Variants in KCTD19 observed in about 807,000 individuals in gnomAD.
KCTD19 encodes BTB/POZ domain-containing protein KCTD19.
A neutral mutation model predicts 103.5 loss-of-function variants in KCTD19; 67 were observed. That is an observed-to-expected ratio of 0.65 (90% CI 0.53 to 0.79). The LOEUF is 0.79. Ranked by LOEUF, KCTD19 falls within the 30% of genes least tolerant of loss-of-function variation. KCTD19 has a pLI of 0.00. For missense variants in KCTD19, 980 were observed against 1,136.1 expected (o/e 0.86, Z 1.98); for synonymous variants, 439 against 452.2 (o/e 0.97, Z 0.37).
At chr16:67,304,694 C>T (rs563515584) in intron 2 of KCTD19, 123 bp from the exon 3 acceptor site, 11 of 804,444 alleles carry the variant, frequency 1.4e-5, no homozygotes, top group East Asian at 5.2e-5. Context: ...GACAGAGTCT[C>T]GTTTTGTTGC....
At chr16:67,322,528 G>C (rs1463848481) in intron 1 of KCTD19, among the ~76,000 whole-genome samples, 1 of 152,136 alleles carries the variant, frequency 6.6e-6, no homozygotes, top group Non-Finnish European at 1.5e-5. Context: ...TCGATCTCCT[G>C]ACCTCGTGAT....
chr16:67,312,910 G>T lies in KCTD19; in HGVS notation c.300+7679C>A, dbSNP rs73592862. Among the ~76,000 whole-genome samples, 1,024 of 152,256 alleles carry T rather than the reference G, an allele frequency of 6.7e-3. 18 individuals are homozygous for T. Among genetic ancestry groups the T allele is most frequent in the African/African-American group, 0.024 (999 of 41,540 alleles). ...CTACTTCCTCCCTTGCTCTGCTGCAGTCTAGGCCAGGGGTCAGCAAGTTTT... is the reference window on the plus strand; with the variant it reads ...CTACTTCCTCCCTTGCTCTGCTGCATTCTAGGCCAGGGGTCAGCAAGTTTT... On this transcript the variant is annotated intron_variant, in intron 2 of 15. Coordinates refer to ENST00000304372, the MANE Select transcript of KCTD19 (RefSeq NM_001100915.3).
intron 6 of KCTD19, among the ~76,000 whole-genome samples, 181 bp from the exon 7 acceptor site, chr16:67,297,844 G>T (rs2036784167): frequency 6.6e-6 from 1 of 152,016 alleles, no homozygotes; most frequent in South Asian, 2.1e-4. Context: ...AGGCTGAAGT[G>T]CAGTGACGCA....
At chr16:67,317,313 C>A (rs2037023411) in intron 2 of KCTD19, among the ~76,000 whole-genome samples, 1 of 151,734 alleles carries the variant, frequency 6.6e-6, no homozygotes, top group East Asian at 1.9e-4. Flanking sequence ...ACCCCATCTC[C>A]ACTAAAAATA....
chr16:67,299,270 C>T, intron 6 of KCTD19, 93 bp downstream of exon 6: 3 of 1,187,440 alleles, frequency 2.5e-6, no homozygotes, highest in South Asian at 1.3e-5. Flanking sequence ...ACACACTTCA[C>T]CTCTGGCTAG....
intron 13 of KCTD19, 21 bp from the exon 14 acceptor site, chr16:67,291,484 A>G: frequency 6.2e-7 from 1 of 1,610,622 alleles, no homozygotes; most frequent in African/African-American, 1.3e-5. Flanking sequence ...GGGAAAGTGG[A>G]TGTGGCCACA....
At chr16:67,314,663 C>T (rs905200873) in intron 2 of KCTD19, among the ~76,000 whole-genome samples, 2 of 151,404 alleles carry the variant, frequency 1.3e-5, no homozygotes, top group Non-Finnish European at 2.9e-5. Flanking sequence ...AGGGATCCAC[C>T]CACCTCGGCC....
In KCTD19 at chr16:67,304,580, T is replaced by G. The variant is rs762083987; in HGVS notation, c.301-9A>C. Reference sequence around the variant, plus strand: ...TTCAGGTTATCTAGAGTCTGTTAGATAATGAAGAGTACTATCTTGAGAATC... The same window carrying G: ...TTCAGGTTATCTAGAGTCTGTTAGAGAATGAAGAGTACTATCTTGAGAATC... On this transcript the variant is annotated splice_polypyrimidine_tract_variant and intron_variant, in intron 2 of 15. Coordinates refer to ENST00000304372, the MANE Select transcript of KCTD19 (RefSeq NM_001100915.3). 17 of 1,611,820 alleles carry G rather than the reference T, an allele frequency of 1.1e-5. No homozygotes were observed. The highest frequency in any genetic ancestry group is 1.4e-5 in the Non-Finnish European group (16 of 1,178,116).
intron 1 of KCTD19, 150 bp downstream of exon 1, chr16:67,326,555 G>GC (rs2037175320): frequency 1.0e-6 from 1 of 1,004,388 alleles, no homozygotes. Flanking sequence ...CTCAGAGCCA[G>GC]CCCCCCAAAT....
At position 67,289,512 on chromosome 16, in the gene KCTD19, C is replaced by T; in HGVS notation, c.*57G>A. 2.0e-6 allele frequency: 2 copies of T among 1,020,032 alleles called. No individual in the cohort carries two copies. 63.2% of individuals were successfully genotyped at this position (1,020,032 alleles called of 1,614,324 possible). ...GATGGGCACATGCATTCTGGGCTAT[C>T]TCCAATTAAAATGAGACTTGGCGGG... is the stretch of plus-strand genomic sequence containing the variant. On this transcript the variant is annotated 3_prime_UTR_variant, in exon 16 of 16. Transcript: ENST00000304372.
Position 67,293,761 on chromosome 16 carries a change from G to C in KCTD19, c.2001C>G (p.Thr667=), listed in dbSNP as rs201293471. ...CCTCGCTTCCCAAGGGGAGCTGCAG[G>C]GTGGCCTCCTCCAAGGGGCTGCTCC... is the stretch of plus-strand genomic sequence containing the variant. ...ATRSSPLEEA[T]LQLPLGSEAA... Residue 667 remains threonine, a synonymous_variant, in exon 12 of 16, where the codon ACC becomes ACG. Transcript: ENST00000304372. This position sits in a 1 kb window ranked among gnomAD's most constrained non-coding sequence, Gnocchi z 4.0. The C allele has an allele frequency of 2.5e-6, 4 of 1,613,962 alleles. No individual in the cohort carries two copies. The African/African-American group carries it at 5.3e-5, about 22-fold the overall frequency.
chr16:67,302,276 G>A, intron 4 of KCTD19: 1 of 227,724 alleles, frequency 4.4e-6, no homozygotes, highest in East Asian at 1.2e-4. Flanking sequence ...TGCTTAGAGA[G>A]GAGGGGCCCG....
chr16:67,316,694 C>T (rs901955383), intron 2 of KCTD19, among the ~76,000 whole-genome samples: 4 of 152,206 alleles, frequency 2.6e-5, no homozygotes, highest in Admixed American at 6.5e-5. Flanking sequence ...GCATTTATCT[C>T]TACCTGACAT....
intron 15 of KCTD19, among the ~76,000 whole-genome samples, chr16:67,290,355 T>C (rs1487834809): frequency 6.6e-6 from 1 of 151,850 alleles, no homozygotes; most frequent in Non-Finnish European, 1.5e-5. Flanking sequence ...TTTTTTTGTG[T>C]TTTCAGTAGA....
At chr16:67,326,597 C>A in intron 1 of KCTD19, 108 bp downstream of exon 1, 1 of 1,466,042 alleles carries the variant, frequency 6.8e-7, no homozygotes, top group Admixed American at 2.1e-5. Context: ...CGCTCTCTCC[C>A]ATGCCCCAGA....
At chr16:67,299,684 G>T in intron 5 of KCTD19, 111 bp from the exon 6 acceptor site, 1 of 819,564 alleles carries the variant, frequency 1.2e-6, no homozygotes, top group Non-Finnish European at 1.9e-6. Flanking sequence ...GAGGCTCAGA[G>T]GAAGGATATT....
At position 67,326,687 on chromosome 16, in the gene KCTD19, C is replaced by A. The variant is rs1311689131; in HGVS notation, c.3+18G>T. On this transcript the variant is annotated intron_variant, in intron 1 of 15. Transcript: ENST00000304372. ...CGCTTTGGTGCTTTTGGCGCCCCCG[C>A]CAGAGCGGGCTCCGTACCATGGTCG... 2 of 1,583,356 alleles carry A rather than the reference C, an allele frequency of 1.3e-6. No homozygotes were observed. The highest frequency in any genetic ancestry group is 1.7e-6 in the Non-Finnish European group (2 of 1,169,312).
rs2036779225 is a variant in KCTD19 at position 67,297,554 on chromosome 16, C to G, written c.1096G>C (p.Ala366Pro). Residue 366 changes from alanine to proline, a missense_variant, in exon 7 of 16, where the codon GCT (alanine) becomes CCT (proline). Coordinates refer to ENST00000304372, the MANE Select transcript of KCTD19 (RefSeq NM_001100915.3). ...RDITYEPIKV[A>P]LKTHLEPRTL... is the part of the protein sequence containing the mutation. ...CTTGGCTCCAGATGAGTCTTCAAAG[C>G]AACTTTGATTGGCTCGTAGGTGATG... is the stretch of plus-strand genomic sequence containing the variant. 1.2e-6 allele frequency: 2 copies of G among 1,614,098 alleles called. No individual in the cohort carries two copies. Among genetic ancestry groups the G allele is most frequent in the African/African-American group, 2.7e-5 (2 of 75,028 alleles).
Position 67,293,924 on chromosome 16 carries a change from C to A in KCTD19, c.1838G>T (p.Cys613Phe). 1 of 1,613,982 alleles carries A rather than the reference C, an allele frequency of 6.2e-7. No homozygotes were observed. The highest frequency in any genetic ancestry group is 1.1e-5 in the South Asian group (1 of 91,076). The change falls in exon 12 of 16, where the codon TGC (cysteine) becomes TTC (phenylalanine). Residue 613 changes from cysteine to phenylalanine, a missense_variant. Physicochemically the swap from Cys to Phe is radical, Grantham distance 205. Coordinates refer to ENST00000304372, the MANE Select transcript of KCTD19 (RefSeq NM_001100915.3). The surrounding 1 kb of genome is among the most constrained non-coding windows in gnomAD (Gnocchi z 4.0). Reference protein sequence around the residue: ...SHPESPPKKKCTTINLTQKSE... With the variant: ...SHPESPPKKKFTTINLTQKSE... The stretch of plus-strand genomic sequence containing the variant: ...TTTCTGTGTGAGGTTGATTGTGGTG[C>A]ATTTCTTCTTTGGGGGGCTCTCAGG...
Sources: gnomAD v4.1 joint callset for allele counts (sites outside exome capture counted in the v4.1 genomes callset) on GRCh38, gnomAD v4.1.1 for gene constraint, Gnocchi (gnomAD v3.1) non-coding constraint, MANE v1.5 for transcripts, NCBI Gene and HGNC (gene_info 2026-07-23, HGNC 2026-07-21) for gene names.